The following ATP8B1 variants were observed in gnomAD, a reference collection of about 807,000 sequenced individuals.
ATP8B1 encodes phospholipid-transporting ATPase IC.
Under a neutral mutation model 149.9 loss-of-function variants are expected in ATP8B1, and 80 were observed. The observed-to-expected ratio is 0.53, with a 90% confidence interval of 0.45 to 0.64. The LOEUF is 0.64. Ranked by LOEUF, ATP8B1 falls within the 30% of genes least tolerant of loss-of-function variation. ATP8B1 has a pLI of 0.00. For missense variants in ATP8B1, 1,247 were observed against 1,552.6 expected (o/e 0.80, Z 3.31); for synonymous variants, 536 against 562.8 (o/e 0.95, Z 0.67).
intron 1 of ATP8B1, among the ~76,000 whole-genome samples, chr18:57,761,112 TATAAA>T (rs55658113): frequency 0.087 from 11,661 of 133,420 alleles, 1,037 homozygotes; most frequent in East Asian, 0.23. Flanking sequence ...TAAAATAAAA[TATAAA>T]ATAAAATAAA....
intron 12 of ATP8B1, among the ~76,000 whole-genome samples, chr18:57,690,198 G>C (rs1350315819): frequency 1.3e-5 from 2 of 152,194 alleles, no homozygotes; most frequent in Non-Finnish European, 2.9e-5. Flanking sequence ...AGATACCTAT[G>C]TAAGGAATGC....
At chr18:57,697,920 G>T in intron 6 of ATP8B1, 53 bp from the exon 7 acceptor site, 2 of 1,442,358 alleles carry the variant, frequency 1.4e-6, no homozygotes, top group Non-Finnish European at 1.9e-6. Context: ...ACAGGCAAGG[G>T]AATTACTATT....
At chr18:57,801,594 G>A (rs1221550427) in intron 1 of ATP8B1, among the ~76,000 whole-genome samples, 1 of 152,082 alleles carries the variant, frequency 6.6e-6, no homozygotes, top group South Asian at 2.1e-4. Context: ...CCATATATAC[G>A]GGCTCGTATT....
chr18:57,783,495 C>T (rs781379822), intron 1 of ATP8B1, among the ~76,000 whole-genome samples: 34 of 151,984 alleles, frequency 2.2e-4, no homozygotes, highest in Non-Finnish European at 3.1e-4. Flanking sequence ...TAGATGCTGC[C>T]TTAAGTGAAG....
intron 12 of ATP8B1, among the ~76,000 whole-genome samples, chr18:57,691,456 A>G (rs1912523730): frequency 6.6e-6 from 1 of 152,208 alleles, no homozygotes; most frequent in Non-Finnish European, 1.5e-5. Context: ...AAGTTTTTCC[A>G]TCACCTGCTA....
intron 14 of ATP8B1, among the ~76,000 whole-genome samples, chr18:57,684,563 C>T (rs1912139777): frequency 6.6e-6 from 1 of 152,030 alleles, no homozygotes; most frequent in Non-Finnish European, 1.5e-5. Flanking sequence ...TGGGGTTTCT[C>T]TGGTCTCAAA....
chr18:57,801,675 C>T (rs968650396), intron 1 of ATP8B1, among the ~76,000 whole-genome samples: 95 of 152,264 alleles, frequency 6.2e-4, no homozygotes, highest in African/African-American at 2.2e-3. Context: ...TAACCTTCAT[C>T]GATAACCTAC....
intron 6 of ATP8B1, among the ~76,000 whole-genome samples, chr18:57,698,512 T>A (rs564488811): frequency 6.6e-6 from 1 of 152,194 alleles, no homozygotes; most frequent in South Asian, 2.1e-4. Context: ...GCCTGACTAA[T>A]TTTTTAGAGA....
At chr18:57,652,806 A>C in intron 24 of ATP8B1, 77 bp from the exon 25 acceptor site, 16 of 1,590,180 alleles carry the variant, frequency 1.0e-5, no homozygotes, top group Non-Finnish European at 1.3e-5. Context: ...TTAATATCTC[A>C]CAAAAAGTTG....
intron 8 of ATP8B1, among the ~76,000 whole-genome samples, chr18:57,697,230 T>A (rs1209647744): frequency 6.6e-6 from 1 of 151,910 alleles, no homozygotes; most frequent in Non-Finnish European, 1.5e-5. Context: ...ACCACTACAC[T>A]CCAGCCTGGG....
chr18:57,756,428 G>A (rs2080085204), intron 1 of ATP8B1, among the ~76,000 whole-genome samples: 1 of 151,082 alleles, frequency 6.6e-6, no homozygotes, highest in Non-Finnish European at 1.5e-5. Context: ...AGCCTCCCAA[G>A]TAGCTGGGAT....
At chr18:57,770,109 C>T (rs1348981746) in intron 1 of ATP8B1, among the ~76,000 whole-genome samples, 2 of 147,654 alleles carry the variant, frequency 1.4e-5, no homozygotes, top group Non-Finnish European at 3.0e-5. Context: ...CACTCTCTCA[C>T]TCAGGCTGAA....
intron 1 of ATP8B1, among the ~76,000 whole-genome samples, chr18:57,792,853 C>A (rs2080477288): frequency 6.6e-6 from 1 of 152,036 alleles, no homozygotes; most frequent in South Asian, 2.1e-4. Context: ...AAAAGACAAA[C>A]AGGATAGGGA....
chr18:57,764,242 C>A (rs1021094595), intron 1 of ATP8B1, among the ~76,000 whole-genome samples: 4 of 151,860 alleles, frequency 2.6e-5, no homozygotes, highest in Non-Finnish European at 5.9e-5. Context: ...CCCCAGGGAG[C>A]CTGCCTTCCT....
At chr18:57,692,173 T>C (rs1912566387) in intron 11 of ATP8B1, among the ~76,000 whole-genome samples, 176 bp from the exon 12 acceptor site, 1 of 152,182 alleles carries the variant, frequency 6.6e-6, no homozygotes, top group Non-Finnish European at 1.5e-5. Context: ...GTCTATTTGA[T>C]TGCTGCAATT....
At chr18:57,719,305 G>A (rs1367944145) in intron 2 of ATP8B1, among the ~76,000 whole-genome samples, 1 of 152,220 alleles carries the variant, frequency 6.6e-6, no homozygotes, top group Non-Finnish European at 1.5e-5. Flanking sequence ...CCCAGCGTGA[G>A]AGACACAGAA....
At chr18:57,756,943 G>A (rs570744645) in intron 1 of ATP8B1, among the ~76,000 whole-genome samples, 2 of 152,208 alleles carry the variant, frequency 1.3e-5, no homozygotes, top group Non-Finnish European at 2.9e-5. Flanking sequence ...CATCGCAAAT[G>A]TCCCGTTCCT....
At chr18:57,688,720 C>A (rs1017502393) in intron 12 of ATP8B1, 1 of 579,336 alleles carries the variant, frequency 1.7e-6, no homozygotes, top group Non-Finnish European at 3.1e-6. Flanking sequence ...GTCATGAGGG[C>A]TCCACCCTTA....
Position 57,688,296 on chromosome 18 carries a change from T to C in ATP8B1, c.1429+3A>G, listed in dbSNP as rs1163963565. ...CAGAAAATGAGTGACGGCTTCCACT[T>C]ACCATATATCTGCCCGTTGATACAG... On this transcript the variant is annotated splice_donor_region_variant and intron_variant, in intron 13 of 27. Coordinates refer to ENST00000648908, the MANE Select transcript of ATP8B1 (RefSeq NM_001374385.1). 1 of 1,613,708 alleles carries C rather than the reference T, an allele frequency of 6.2e-7. No individual in the cohort carries two copies. Among genetic ancestry groups the C allele is most frequent in the East Asian group, 2.2e-5 (1 of 44,878 alleles).
Sources: gnomAD v4.1 joint callset for allele counts (sites outside exome capture counted in the v4.1 genomes callset) on GRCh38, gnomAD v4.1.1 for gene constraint, MANE v1.5 for transcripts, NCBI Gene and HGNC (gene_info 2026-07-23, HGNC 2026-07-21) for gene names.